Variants in AP3M1 observed in about 807,000 individuals in gnomAD.
The protein encoded by AP3M1 is AP-3 complex subunit mu-1.
Under a neutral mutation model 42.6 loss-of-function variants are expected in AP3M1, and 29 were observed. That is an observed-to-expected ratio of 0.68 (90% CI 0.51 to 0.93). The LOEUF (loss-of-function observed/expected upper bound fraction) is 0.93, where lower values mean the gene tolerates loss of function less well. Ranked by LOEUF, AP3M1 falls within the 40% of genes least tolerant of loss-of-function variation. The probability of loss-of-function intolerance (pLI) is 0.00; values close to 1 mark genes in which losing one functional copy is unlikely to be tolerated. For synonymous variants in AP3M1, 178 were observed against 175.3 expected (o/e 1.02, Z -0.12); for missense variants, 416 against 510.2 (o/e 0.82, Z 1.78).
chr10:74,139,849 G>A (rs2131988965), intron 1 of AP3M1, among the ~76,000 whole-genome samples: 1 of 149,274 alleles, frequency 6.7e-6, no homozygotes, highest in East Asian at 2.0e-4. Flanking sequence ...GGAGGTTGCA[G>A]TGAGCCGAGA....
rs1318688089 is a variant in AP3M1, at chr10:74,123,916, T to C, written c.1157-6A>G. ...CAAACGGTTTACTTTTAAGCCTGTA[T>C]CAAAAAGAATGAAAAAGAATAAATT... On this transcript the variant is annotated splice_polypyrimidine_tract_variant and splice_region_variant and intron_variant, in intron 8 of 8. Coordinates refer to ENST00000355264, the MANE Select transcript of AP3M1 (RefSeq NM_012095.6). The C allele has an allele frequency of 1.2e-5, 20 of 1,606,868 alleles. No homozygotes were observed. Among genetic ancestry groups the C allele is most frequent in the Non-Finnish European group, 1.7e-5 (20 of 1,173,708 alleles).
At chr10:74,135,443 C>T (rs895729517) in intron 3 of AP3M1, among the ~76,000 whole-genome samples, 3 of 152,104 alleles carry the variant, frequency 2.0e-5, no homozygotes, top group Non-Finnish European at 4.4e-5. Flanking sequence ...AATACACTAT[C>T]TAATGAATCT....
chr10:74,132,601 C>T (rs985257602), intron 4 of AP3M1, among the ~76,000 whole-genome samples: 2 of 151,878 alleles, frequency 1.3e-5, no homozygotes, highest in Middle Eastern at 3.4e-3. Flanking sequence ...GGACTATAGG[C>T]TACTCAGGAG....
chr10:74,129,280 A>T (rs1840706129), intron 5 of AP3M1, 39 bp from the exon 6 acceptor site: 2 of 1,605,808 alleles, frequency 1.2e-6, no homozygotes, highest in African/African-American at 2.7e-5. Context: ...ATAGACTATA[A>T]TGAATATGGG....
At chr10:74,137,978 T>C (rs957357619) in intron 2 of AP3M1, 129 bp downstream of exon 2, 7 of 976,322 alleles carry the variant, frequency 7.2e-6, no homozygotes, top group African/African-American at 6.6e-5. Flanking sequence ...AAAGGGCTTA[T>C]GAATTTACGC....
chr10:74,142,466 A>T (rs1227944176), intron 1 of AP3M1, among the ~76,000 whole-genome samples: 1 of 152,226 alleles, frequency 6.6e-6, no homozygotes, highest in Non-Finnish European at 1.5e-5. Context: ...TTCCCATTCG[A>T]CACATGTTCA....
intron 4 of AP3M1, among the ~76,000 whole-genome samples, chr10:74,133,726 C>A (rs1283315585): frequency 2.1e-5 from 3 of 145,618 alleles, no homozygotes; most frequent in Non-Finnish European, 4.5e-5. Context: ...ATGATCTTGT[C>A]TCATTGCAAC....
rs748489668 is a variant in AP3M1 at position 74,129,956 on chromosome 10, T to C, written c.620A>G (p.Asp207Gly). 1 of 1,613,126 alleles carries C rather than the reference T, an allele frequency of 6.2e-7. No individual in the cohort carries two copies. Among genetic ancestry groups the C allele is most frequent in the Non-Finnish European group, 8.5e-7 (1 of 1,179,744 alleles). ...TVFAEIQGVI[D>G]ACIKLSGMPD... is the part of the protein sequence containing the mutation. ...CATTCCAGATAGTTTAATGCAAGCA[T>C]CAATGACCCCCTGAATTTCTGCAAA... Residue 207 changes from aspartate to glycine, a missense_variant, in exon 5 of 9, where the codon GAT (aspartate) becomes GGT (glycine). Asp to Gly is a moderately conservative substitution (Grantham distance 94, BLOSUM62 -1). Transcript: ENST00000355264.
At position 74,122,963 on chromosome 10, in the gene AP3M1, C is replaced by A. The variant is rs1009155900; in HGVS notation, c.*847G>T. 8 of 152,508 alleles carry A rather than the reference C, an allele frequency of 5.2e-5. No individual in the cohort carries two copies. The highest frequency in any genetic ancestry group is 1.2e-4 in the Non-Finnish European group (8 of 68,020). 9.4% of individuals were successfully genotyped at this position (152,508 alleles called of 1,614,324 possible). On this transcript the variant is annotated 3_prime_UTR_variant, in exon 9 of 9. Coordinates refer to ENST00000355264, the MANE Select transcript of AP3M1 (RefSeq NM_012095.6). ...TGGCAAAGGTTTCACTTAAGTTTTTCTTTTACTACTTTAATTTGCTTAAAA... is the reference window on the plus strand; with the variant it reads ...TGGCAAAGGTTTCACTTAAGTTTTTATTTTACTACTTTAATTTGCTTAAAA...
At chr10:74,138,528 A>G (rs1841018186) in intron 1 of AP3M1, 146 bp from the exon 2 acceptor site, 3 of 624,402 alleles carry the variant, frequency 4.8e-6, no homozygotes, top group East Asian at 6.0e-5. Flanking sequence ...CATGATATAC[A>G]ATAAGAACTA....
At chr10:74,135,403 C>G (rs1840912384) in intron 3 of AP3M1, among the ~76,000 whole-genome samples, 1 of 152,134 alleles carries the variant, frequency 6.6e-6, no homozygotes, top group South Asian at 2.1e-4. Flanking sequence ...GGGATTACTT[C>G]ATTAATGGAA....
rs533398134 is a variant in AP3M1 at position 74,141,853 on chromosome 10, C to T, written c.-3-3471G>A. On this transcript the variant is annotated intron_variant, in intron 1 of 8. Transcript: ENST00000355264. ...TCAGCCTCCCTAGTAGCTGGGATTA[C>T]AGGCACACACCGCCACACCTGGCTA... 2.6e-3 allele frequency among the ~76,000 whole-genome samples: 391 copies of T among 150,454 alleles called. 1 individual carries two copies. The highest frequency in any genetic ancestry group is 0.015 in the South Asian group (70 of 4,784).
Position 74,136,691 on chromosome 10 carries a change from A to G in AP3M1, c.386T>C (p.Ile129Thr). ...TGGTGGTTTAATCAATTCTTTCAAA[A>G]TGTTAGATTCGGTAGCCAGTGGAAA... ...NGFPLATESN[I>T]LKELIKPPTI... is the part of the protein sequence containing the mutation. Residue 129 changes from isoleucine to threonine, a missense_variant, in exon 3 of 9, where the codon ATT becomes ACT. Ile to Thr is a moderately conservative substitution (Grantham distance 89, BLOSUM62 -1). Coordinates refer to ENST00000355264, the MANE Select transcript of AP3M1 (RefSeq NM_012095.6). 1.3e-6 allele frequency: 2 copies of G among 1,597,238 alleles called. No homozygotes were observed. Among genetic ancestry groups the G allele is most frequent in the African/African-American group, 1.3e-5 (1 of 74,850 alleles).
At chr10:74,136,827 C>G in intron 2 of AP3M1, 24 bp from the exon 3 acceptor site, 2 of 1,458,132 alleles carry the variant, frequency 1.4e-6, no homozygotes, top group Non-Finnish European at 1.8e-6. Context: ...CACAAAATAT[C>G]ACACAATGGA....
rs1376964908 is a variant in AP3M1, at chr10:74,122,736, A to C, written c.*1074T>G. 1 of 152,230 alleles carries C rather than the reference A, an allele frequency of 6.6e-6. No homozygotes were observed. The highest frequency in any genetic ancestry group is 1.9e-4 in the East Asian group (1 of 5,198). 9.4% of individuals were successfully genotyped at this position (152,230 alleles called of 1,614,324 possible). Reference sequence around the variant, plus strand: ...ATGACTATAGCTTTGGGAAGCACACAATATGAAAAGGGAATTTCCCCTAAA... The same window carrying C: ...ATGACTATAGCTTTGGGAAGCACACCATATGAAAAGGGAATTTCCCCTAAA... On this transcript the variant is annotated 3_prime_UTR_variant, in exon 9 of 9. Transcript: ENST00000355264.
chr10:74,141,597 T>C (rs760217380), intron 1 of AP3M1, among the ~76,000 whole-genome samples: 2 of 152,332 alleles, frequency 1.3e-5, no homozygotes, highest in East Asian at 1.9e-4. Flanking sequence ...TTATATGAAG[T>C]TGTAGAACAG....
At chr10:74,125,685 G>C (rs1156348893) in intron 7 of AP3M1, among the ~76,000 whole-genome samples, 2 of 152,160 alleles carry the variant, frequency 1.3e-5, no homozygotes, top group Non-Finnish European at 2.9e-5. Flanking sequence ...AAAAATTTAA[G>C]TAGAGTGAGG....
At chr10:74,139,392 T>C (rs1275530628) in intron 1 of AP3M1, among the ~76,000 whole-genome samples, 8 of 151,700 alleles carry the variant, frequency 5.3e-5, no homozygotes, top group Non-Finnish European at 1.0e-4. Flanking sequence ...GGAAGGAGGA[T>C]TGCTTGAGCT....
chr10:74,149,282 T>A lies in AP3M1; in HGVS notation c.-4+1473A>T, dbSNP rs1028941426. 3.4e-5 allele frequency among the ~76,000 whole-genome samples: 3 copies of A among 88,744 alleles called. No homozygotes were observed. In the South Asian group the frequency reaches 1.1e-3, roughly 34 times the overall value. 58.2% of individuals were successfully genotyped at this position (88,744 alleles called of 152,430 possible). On this transcript the variant is annotated intron_variant, in intron 1 of 8. Transcript: ENST00000355264. ...GATACGTAAGGTTTTTTTTTTTTTT[T>A]TTTTTTTTTTTTTTTTTTTTTTTTC...
Sources: gnomAD v4.1 joint callset for allele counts (sites outside exome capture counted in the v4.1 genomes callset) on GRCh38, gnomAD v4.1.1 for gene constraint, MANE v1.5 for transcripts, NCBI Gene and HGNC (gene_info 2026-07-23, HGNC 2026-07-21) for gene names.